NEBL: variants seen among roughly 807,000 people sequenced by gnomAD.
NEBL encodes the protein nebulette.
NEBL carries 122 observed loss-of-function variants against 140.2 expected under a neutral mutation model. The ratio of observed to expected loss-of-function variants is 0.87; its 90% CI spans 0.75 to 1.01. The LOEUF (loss-of-function observed/expected upper bound fraction) is 1.01, where lower values mean the gene tolerates loss of function less well. NEBL is among the 50% of genes least tolerant of loss of function. NEBL has a pLI of 0.00. For missense variants in NEBL, 1,365 were observed against 1,231.3 expected, an observed-to-expected ratio of 1.11 and a Z score of -1.62; for synonymous variants, 436 against 398.9, an observed-to-expected ratio of 1.09 and a Z score of -1.11.
intron 3 of NEBL, among the ~76,000 whole-genome samples, chr10:21,221,502 C>A (rs1432228532): frequency 6.7e-6 from 1 of 150,026 alleles, no homozygotes; most frequent in East Asian, 1.9e-4. Context: ...TGTCTGATTT[C>A]TTTCTTTCTT....
chr10:21,091,859 T>C (rs1431897118), intron 2 of NEBL, among the ~76,000 whole-genome samples: 2 of 152,320 alleles, frequency 1.3e-5, no homozygotes, highest in East Asian at 3.9e-4. Flanking sequence ...CTTGAACTCC[T>C]GGACTCAAGC....
At chr10:20,956,771 T>A (rs1351467924) in intron 4 of NEBL, among the ~76,000 whole-genome samples, 1 of 149,834 alleles carries the variant, frequency 6.7e-6, no homozygotes, top group Non-Finnish European at 1.5e-5. Flanking sequence ...TTCTCATATT[T>A]AAAAAAAAAA....
intron 4 of NEBL, among the ~76,000 whole-genome samples, chr10:20,949,586 A>G (rs887488500): frequency 6.6e-6 from 1 of 152,222 alleles, no homozygotes; most frequent in Non-Finnish European, 1.5e-5. Context: ...CGAAATAGTA[A>G]AAACATATTT....
chr10:21,289,220 G>A (rs931556630), intron 1 of NEBL, among the ~76,000 whole-genome samples: 3 of 151,954 alleles, frequency 2.0e-5, no homozygotes, highest in African/African-American at 7.3e-5. Context: ...GAATGAGCAG[G>A]AACATAATTG....
intron 2 of NEBL, among the ~76,000 whole-genome samples, chr10:21,162,741 G>A (rs1840606036): frequency 6.6e-6 from 1 of 152,152 alleles, no homozygotes; most frequent in African/African-American, 2.4e-5. Flanking sequence ...TGATATAATT[G>A]AGGCATAAAA....
At chr10:20,919,669 A>G (rs1194535274) in intron 4 of NEBL, among the ~76,000 whole-genome samples, 1 of 152,210 alleles carries the variant, frequency 6.6e-6, no homozygotes, top group African/African-American at 2.4e-5. Flanking sequence ...CTCATGCCTC[A>G]CACCAAGATA....
At position 20,784,546 on chromosome 10, in the gene NEBL, G is replaced by C. The variant is rs1324701231; in HGVS notation, c.*1201C>G. 6.6e-6 allele frequency: 1 copy of C among 152,134 alleles called. No homozygotes were observed. The highest frequency in any genetic ancestry group is 1.9e-4 in the East Asian group (1 of 5,198). 9.4% of individuals were successfully genotyped at this position (152,134 alleles called of 1,614,324 possible). A position where few individuals can be genotyped will look rare whatever the true frequency, so the allele number is the denominator to read the frequency against. On this transcript the variant is annotated 3_prime_UTR_variant, in exon 28 of 28. Coordinates refer to ENST00000377122, the MANE Select transcript of NEBL (RefSeq NM_006393.3). ...GTCTTTTGATTAACCCGTTTTGGTG[G>C]CTAGATTTCCATTCCAGAATTTGAA...
At chr10:20,970,820 C>T (rs908825722) in intron 3 of NEBL, among the ~76,000 whole-genome samples, 17 of 152,110 alleles carry the variant, frequency 1.1e-4, no homozygotes, top group African/African-American at 4.1e-4. Flanking sequence ...CTCTGACATC[C>T]ACCTGCCCAG....
At chr10:20,987,720 T>C (rs1837310139) in intron 3 of NEBL, among the ~76,000 whole-genome samples, 1 of 152,188 alleles carries the variant, frequency 6.6e-6, no homozygotes. Flanking sequence ...GGCTAACTTC[T>C]GCATGGTGAG....
chr10:21,226,851 A>T (rs934175974), intron 3 of NEBL, among the ~76,000 whole-genome samples: 1 of 151,986 alleles, frequency 6.6e-6, no homozygotes, highest in Admixed American at 6.6e-5. Context: ...CTCTCACCTG[A>T]CTTTTAGGTC....
chr10:21,072,786 T>G (rs1286914052), intron 2 of NEBL, among the ~76,000 whole-genome samples: 1 of 151,716 alleles, frequency 6.6e-6, no homozygotes, highest in Non-Finnish European at 1.5e-5. Context: ...AGGTTAGGAG[T>G]TCGAGACCAG....
chr10:20,992,890 A>T (rs1256738917), intron 3 of NEBL, among the ~76,000 whole-genome samples: 1 of 131,616 alleles, frequency 7.6e-6, no homozygotes, highest in Non-Finnish European at 1.5e-5. Context: ...CCATTCTCCC[A>T]CCTCAGCCTC....
chr10:20,965,247 A>G (rs1186752378), intron 3 of NEBL, among the ~76,000 whole-genome samples: 1 of 152,216 alleles, frequency 6.6e-6, no homozygotes, highest in African/African-American at 2.4e-5. Flanking sequence ...CAAGAGATGA[A>G]AAACACACAA....
At chr10:20,793,701 A>T (rs1477405874) in intron 26 of NEBL, among the ~76,000 whole-genome samples, 1 of 151,912 alleles carries the variant, frequency 6.6e-6, no homozygotes, top group African/African-American at 2.4e-5. Context: ...CTACAGGTGC[A>T]TGCTACCACA....
At chr10:20,857,245 C>G (rs933061032) in intron 9 of NEBL, among the ~76,000 whole-genome samples, 1 of 152,198 alleles carries the variant, frequency 6.6e-6, no homozygotes, top group Non-Finnish European at 1.5e-5. Flanking sequence ...ACATACATTT[C>G]AAAACACTGA....
At chr10:21,063,897 AT>A (rs1564498028) in intron 2 of NEBL, among the ~76,000 whole-genome samples, 1 of 151,084 alleles carries the variant, frequency 6.6e-6, no homozygotes. Flanking sequence ...ATAAATAAAT[AT>A]AAATATAAAT....
At chr10:20,900,025 T>C (rs1259898628), upstream of NEBL, among the ~76,000 whole-genome samples, 4 of 152,236 alleles carry the variant, frequency 2.6e-5, no homozygotes, top group Non-Finnish European at 5.9e-5. Context: ...ATGGAGAATA[T>C]GAAGAAAGTG....
intron 3 of NEBL, among the ~76,000 whole-genome samples, chr10:21,000,337 G>C (rs1277689308): frequency 6.6e-6 from 1 of 152,126 alleles, no homozygotes; most frequent in Non-Finnish European, 1.5e-5. Flanking sequence ...GAGGCCCTGA[G>C]TGCTAGCTGG....
intron 2 of NEBL, among the ~76,000 whole-genome samples, chr10:21,083,032 G>A (rs1220818541): frequency 2.0e-5 from 3 of 152,146 alleles, no homozygotes; most frequent in Non-Finnish European, 4.4e-5. Flanking sequence ...AAAGTGCTGG[G>A]ATTACAGGCG....
Sources: allele counts gnomAD v4.1 joint callset (sites outside exome capture counted in the v4.1 genomes callset), GRCh38; gene constraint gnomAD v4.1.1; transcripts MANE v1.5; gene names NCBI Gene and HGNC (gene_info 2026-07-23, HGNC 2026-07-21).